BDH1: variants seen among roughly 807,000 people sequenced by gnomAD.
The protein encoded by BDH1 is 3-hydroxybutyrate dehydrogenase 1.
BDH1 carries 30 observed loss-of-function variants against 33.1 expected under a neutral mutation model. That is an observed-to-expected ratio of 0.91 (90% confidence interval 0.68 to 1.23). BDH1 has a LOEUF of 1.23. Ranked by LOEUF, BDH1 falls within the 50% of genes most tolerant of loss-of-function variation. The pLI is 0.00. For missense variants in BDH1, 443 were observed against 464.4 expected (o/e 0.95, Z 0.42); for synonymous variants, 190 against 183.6 (o/e 1.03, Z -0.28).
At chr3:197,524,493 T>C (rs1311810164) in intron 5 of BDH1, among the ~76,000 whole-genome samples, 1 of 151,742 alleles carries the variant, frequency 6.6e-6, no homozygotes, top group Non-Finnish European at 1.5e-5. Context: ...CAGGAGGAAA[T>C]GGTGAAGGGA....
At position 197,528,044 on chromosome 3, in the gene BDH1, T is replaced by C. The variant is rs1015191556; in HGVS notation, c.267+4368A>G. ...TTGCCTATCATCCCCCCTTGGAATA[T>C]AAGCTCCGCAAGGGCAAGAACTTCT... is the stretch of plus-strand genomic sequence containing the variant. On this transcript the variant is annotated intron_variant, in intron 5 of 7. Coordinates refer to ENST00000392379, the MANE Select transcript of BDH1 (RefSeq NM_203314.3). The surrounding 1 kb of genome is among the most constrained non-coding windows in gnomAD (Gnocchi z 5.1). Among the ~76,000 whole-genome samples the C allele has an allele frequency of 5.9e-5, 9 of 152,214 alleles. No individual in the cohort carries two copies. Among genetic ancestry groups the C allele is most frequent in the Admixed American group, 3.3e-4 (5 of 15,288 alleles).
At chr3:197,527,983 C>T (rs1345161576) in intron 5 of BDH1, among the ~76,000 whole-genome samples, 2 of 152,150 alleles carry the variant, frequency 1.3e-5, no homozygotes, top group Non-Finnish European at 2.9e-5. Context: ...ACTGCTTTTA[C>T]CACCCTGCAG....
chr3:197,546,139 G>GA (rs60963210), intron 3 of BDH1: 21,562 of 457,892 alleles, frequency 0.047, 437 homozygotes, highest in African/African-American at 0.057. Context: ...CCATCAAAAA[G>GA]AAAAAAAAAT....
intron 3 of BDH1, among the ~76,000 whole-genome samples, chr3:197,534,996 G>A (rs747884517): frequency 2.6e-5 from 4 of 152,150 alleles, no homozygotes; most frequent in Non-Finnish European, 4.4e-5. Context: ...TGTGTTTGGT[G>A]AGGGCCCACT....
chr3:197,522,615 C>T lies in BDH1; in HGVS notation c.409+25G>A, dbSNP rs773490084. ...CCTTGGAATGGCCCCATACACAACCCCTGCCGTCCGAAGGGGCGCCCTACC... is the reference window on the plus strand; with the variant it reads ...CCTTGGAATGGCCCCATACACAACCTCTGCCGTCCGAAGGGGCGCCCTACC... On this transcript the variant is annotated intron_variant, in intron 6 of 7. Transcript: ENST00000392379. This position sits in a 1 kb window ranked among gnomAD's most constrained non-coding sequence, Gnocchi z 4.8. The T allele has an allele frequency of 5.0e-6, 8 of 1,612,924 alleles. No homozygotes were observed. In the South Asian group the frequency reaches 5.5e-5, roughly 11 times the overall value.
intron 6 of BDH1, among the ~76,000 whole-genome samples, chr3:197,519,618 C>T (rs1423483720): frequency 1.3e-5 from 2 of 152,046 alleles, no homozygotes; most frequent in Non-Finnish European, 2.9e-5. Context: ...GAGCCGAGAT[C>T]GCACCATTGC....
chr3:197,527,475 C>T (rs575450479), intron 5 of BDH1, among the ~76,000 whole-genome samples: 66 of 152,148 alleles, frequency 4.3e-4, no homozygotes, highest in Non-Finnish European at 7.9e-4. Flanking sequence ...TGGGCTTTGG[C>T]GACCTCAAAC....
chr3:197,550,954 G>T (rs1043312078), intron 2 of BDH1, among the ~76,000 whole-genome samples: 1 of 152,160 alleles, frequency 6.6e-6, no homozygotes, highest in Non-Finnish European at 1.5e-5. Flanking sequence ...GTAGGTCGTA[G>T]TTCTATATAT....
At chr3:197,542,692 T>C (rs1421791193) in intron 3 of BDH1, among the ~76,000 whole-genome samples, 1 of 151,900 alleles carries the variant, frequency 6.6e-6, no homozygotes, top group Non-Finnish European at 1.5e-5. Flanking sequence ...CCGGCTAATT[T>C]TGTATTTTTA....
intron 5 of BDH1, among the ~76,000 whole-genome samples, chr3:197,524,872 G>A (rs566880362): frequency 1.3e-5 from 2 of 152,230 alleles, no homozygotes; most frequent in East Asian, 1.9e-4. Context: ...CGTCTTCACC[G>A]CCTGGTTTTC....
rs918436256 is a variant in BDH1 at position 197,567,333 on chromosome 3, G to A, written c.-44+5848C>T. Among the ~76,000 whole-genome samples, 42 of 152,090 alleles carry A rather than the reference G, an allele frequency of 2.8e-4. 1 individual carries two copies. The highest frequency in any genetic ancestry group is 8.7e-4 in the African/African-American group (36 of 41,406). ...AAGAGTCAAGCTGGGAACTGCTTAG[G>A]GCCAACCTGCCTCCCGTTCTGTTCA... On this transcript the variant is annotated intron_variant, in intron 1 of 6. Coordinates refer to the BDH1 transcript ENST00000358186.
intron 2 of BDH1, among the ~76,000 whole-genome samples, chr3:197,552,671 AT>A (rs1716668013): frequency 6.6e-6 from 1 of 152,186 alleles, no homozygotes; most frequent in Non-Finnish European, 1.5e-5. Context: ...TTACTAAGAC[AT>A]TCTCTGGCCA....
intron 1 of BDH1, among the ~76,000 whole-genome samples, chr3:197,572,320 A>G (rs982507474): frequency 1.3e-5 from 2 of 152,176 alleles, no homozygotes; most frequent in African/African-American, 2.4e-5. Flanking sequence ...GAAGGCTCCA[A>G]AGGAAGGCCT....
rs1386478799 is a variant in BDH1 at position 197,554,848 on chromosome 3, G to A, written c.-195-135C>T. 6.6e-6 allele frequency: 1 copy of A among 152,290 alleles called. No individual in the cohort carries two copies. The highest frequency in any genetic ancestry group is 2.1e-4 in the South Asian group (1 of 4,834). 9.4% of individuals were successfully genotyped at this position (152,290 alleles called of 1,614,324 possible). A position where few individuals can be genotyped will look rare whatever the true frequency, so the allele number is the denominator to read the frequency against. On this transcript the variant is annotated intron_variant, in intron 1 of 7. Coordinates refer to ENST00000392379, the MANE Select transcript of BDH1 (RefSeq NM_203314.3). This position sits in a 1 kb window ranked among gnomAD's most constrained non-coding sequence, Gnocchi z 4.4. ...CGCCTGGGCCGCTAGGGACCGACCGGAGCGCTCAAACCCACAGGGTATCTA... is the reference window on the plus strand; with the variant it reads ...CGCCTGGGCCGCTAGGGACCGACCGAAGCGCTCAAACCCACAGGGTATCTA...
chr3:197,536,707 T>A (rs2108747733), intron 3 of BDH1, among the ~76,000 whole-genome samples: 1 of 152,006 alleles, frequency 6.6e-6, no homozygotes, highest in South Asian at 2.1e-4. Flanking sequence ...CCGGGCATGG[T>A]GAGGGGGTGC....
At chr3:197,546,522 G>T in intron 2 of BDH1, 36 bp from the exon 3 acceptor site, 1 of 1,418,116 alleles carries the variant, frequency 7.1e-7, no homozygotes, top group Non-Finnish European at 9.9e-7. Flanking sequence ...TTACTTTGTT[G>T]CCTTCCGGGC....
intron 3 of BDH1, chr3:197,543,003 C>T (rs776750696): frequency 3.0e-6 from 3 of 985,292 alleles, no homozygotes; most frequent in Non-Finnish European, 3.6e-6. Context: ...TCATCCCGGC[C>T]GCATTTGAGA....
intron 5 of BDH1, chr3:197,529,842 G>A (rs1014324493): frequency 1.3e-5 from 2 of 152,088 alleles, no homozygotes; most frequent in Non-Finnish European, 2.9e-5. Flanking sequence ...CCTCCCCTGG[G>A]TTCCTACTGG....
intron 2 of BDH1, among the ~76,000 whole-genome samples, chr3:197,548,117 G>C (rs549430504): frequency 6.6e-6 from 1 of 152,240 alleles, no homozygotes; most frequent in East Asian, 1.9e-4. Context: ...GGAGCTGAGC[G>C]GGCTCCCGCA....
Sources: allele counts gnomAD v4.1 joint callset (sites outside exome capture counted in the v4.1 genomes callset), GRCh38; gene constraint gnomAD v4.1.1; non-coding constraint Gnocchi (gnomAD v3.1); transcripts MANE v1.5; gene names NCBI Gene and HGNC (gene_info 2026-07-23, HGNC 2026-07-21).